The following ERBB4 variants were observed in gnomAD, a reference collection of about 807,000 sequenced individuals.
The protein encoded by ERBB4 is erb-b2 receptor tyrosine kinase 4.
Under a neutral mutation model 158.0 loss-of-function variants are expected in ERBB4, and 42 were observed. The ratio of observed to expected loss-of-function variants is 0.27; its 90% CI spans 0.21 to 0.34. The LOEUF is 0.34. ERBB4 is among the 10% of genes least tolerant of loss of function. ERBB4 has a pLI of 1.00. For missense variants in ERBB4, 1,333 were observed against 1,624.1 expected (o/e 0.82, Z 3.08); for synonymous variants, 583 against 558.7 (o/e 1.04, Z -0.61).
intron 1 of ERBB4, among the ~76,000 whole-genome samples, chr2:212,261,892 T>C (rs917874103): frequency 2.6e-5 from 4 of 152,142 alleles, no homozygotes; most frequent in African/African-American, 9.6e-5. Context: ...TAAAATGTGA[T>C]GAAACCTCTT....
intron 4 of ERBB4, among the ~76,000 whole-genome samples, chr2:211,751,210 C>T (rs10175461): frequency 0.7 from 106,998 of 152,056 alleles, 38,542 homozygotes; most frequent in African/African-American, 0.87. Context: ...TTAAGCTATA[C>T]TTTTGAAAGC....
intron 12 of ERBB4, among the ~76,000 whole-genome samples, chr2:211,679,441 T>C (rs1179539832): frequency 1.3e-5 from 2 of 152,122 alleles, no homozygotes; most frequent in African/African-American, 2.4e-5. Flanking sequence ...ATAAAAACTA[T>C]TGGGAGGACA....
chr2:211,737,995 C>A (rs915109798), intron 5 of ERBB4, among the ~76,000 whole-genome samples: 1 of 151,972 alleles, frequency 6.6e-6, no homozygotes, highest in Non-Finnish European at 1.5e-5. Flanking sequence ...GTAATATATA[C>A]TATGGAACAT....
At chr2:211,513,348 A>G (rs1355354977) in intron 20 of ERBB4, among the ~76,000 whole-genome samples, 2 of 117,740 alleles carry the variant, frequency 1.7e-5, no homozygotes, top group East Asian at 5.4e-4. Context: ...ACAGAGCGAG[A>G]CTCCGTCTCA....
At chr2:212,328,722 A>T (rs2087984710) in intron 1 of ERBB4, among the ~76,000 whole-genome samples, 1 of 152,032 alleles carries the variant, frequency 6.6e-6, no homozygotes, top group Non-Finnish European at 1.5e-5. Flanking sequence ...TTATGCAAGA[A>T]ATCTCCTTTA....
At position 212,521,335 on chromosome 2, in the gene ERBB4, A is replaced by G. The variant is rs1692149433; in HGVS notation, c.82+17114T>C. ...AATATGAAGAAAAAAAGGATTTGAG[A>G]AAACTGCCCTTCAGAGAGAGCCAAA... On this transcript the variant is annotated intron_variant, in intron 1 of 27. Transcript: ENST00000342788. Among the ~76,000 whole-genome samples, 4 of 151,846 alleles carry G rather than the reference A, an allele frequency of 2.6e-5. No individual in the cohort carries two copies. The Admixed American group carries it at 2.6e-4, about 10-fold the overall frequency.
intron 1 of ERBB4, among the ~76,000 whole-genome samples, chr2:212,448,924 G>A (rs1362950660): frequency 1.3e-5 from 2 of 152,054 alleles, no homozygotes; most frequent in Non-Finnish European, 2.9e-5. Context: ...GGTCACTGAG[G>A]TTACATTTGC....
At chr2:212,427,893 A>G (rs945005710) in intron 1 of ERBB4, among the ~76,000 whole-genome samples, 36 of 152,148 alleles carry the variant, frequency 2.4e-4, no homozygotes, top group African/African-American at 8.2e-4. Context: ...AAGCTAGAGG[A>G]AGAAGAGGGA....
chr2:211,642,128 C>T (rs1249560108), intron 16 of ERBB4, among the ~76,000 whole-genome samples: 1 of 152,034 alleles, frequency 6.6e-6, no homozygotes, highest in Non-Finnish European at 1.5e-5. Flanking sequence ...TTGCATTTAT[C>T]TCTTAAACAG....
chr2:211,984,904 AT>A (rs2081899052), intron 2 of ERBB4, among the ~76,000 whole-genome samples: 1 of 151,678 alleles, frequency 6.6e-6, no homozygotes, highest in African/African-American at 2.4e-5. Context: ...TTATTTATTT[AT>A]TTTTTTAGTG....
intron 1 of ERBB4, among the ~76,000 whole-genome samples, chr2:212,419,056 C>T (rs553079553): frequency 2.0e-5 from 3 of 151,656 alleles, no homozygotes; most frequent in East Asian, 3.9e-4. Context: ...TATTCATATT[C>T]GCACAGTATT....
intron 2 of ERBB4, among the ~76,000 whole-genome samples, chr2:212,095,914 A>G (rs1196904679): frequency 1.3e-5 from 2 of 149,648 alleles, no homozygotes; most frequent in Non-Finnish European, 3.0e-5. Context: ...CAGCCTGGGC[A>G]ACAGAGCGAG....
At chr2:211,721,465 A>AAAAAAAC (rs2074090408) in intron 7 of ERBB4, among the ~76,000 whole-genome samples, 1 of 147,986 alleles carries the variant, frequency 6.8e-6, no homozygotes, top group Non-Finnish European at 1.5e-5. Context: ...AAAAAAAAAA[A>AAAAAAAC]TAGAGTCAAG....
At chr2:211,867,308 C>T (rs777729276) in intron 3 of ERBB4, among the ~76,000 whole-genome samples, 7 of 152,082 alleles carry the variant, frequency 4.6e-5, no homozygotes, top group Admixed American at 1.3e-4. Context: ...ACCTGAAACT[C>T]ACATTCTCTC....
intron 2 of ERBB4, among the ~76,000 whole-genome samples, chr2:212,045,432 T>C (rs934455034): frequency 6.6e-6 from 1 of 152,202 alleles, no homozygotes; most frequent in African/African-American, 2.4e-5. Context: ...CACTCCAGCC[T>C]GGGCAATAGA....
intron 1 of ERBB4, among the ~76,000 whole-genome samples, chr2:212,145,954 A>G (rs973861942): frequency 6.6e-6 from 1 of 152,014 alleles, no homozygotes; most frequent in African/African-American, 2.4e-5. Context: ...CTTACACCCA[A>G]TCTATACTTC....
chr2:211,984,401 T>C (rs577345532), intron 2 of ERBB4, among the ~76,000 whole-genome samples: 1 of 152,302 alleles, frequency 6.6e-6, no homozygotes, highest in East Asian at 1.9e-4. Context: ...TAATAGCATA[T>C]TATGCTCTGA....
intron 20 of ERBB4, among the ~76,000 whole-genome samples, chr2:211,556,682 T>C (rs559043100): frequency 6.6e-6 from 1 of 152,062 alleles, no homozygotes; most frequent in South Asian, 2.1e-4. Flanking sequence ...ACAAACACTC[T>C]CTCAGATCAC....
intron 2 of ERBB4, among the ~76,000 whole-genome samples, chr2:212,057,300 A>C (rs538415517): frequency 1.2e-4 from 19 of 152,170 alleles, no homozygotes; most frequent in Non-Finnish European, 2.5e-4. Flanking sequence ...CAGACCTAGA[A>C]ACAGACTTAG....
Sources: gnomAD v4.1 joint callset for allele counts (sites outside exome capture counted in the v4.1 genomes callset) on GRCh38, gnomAD v4.1.1 for gene constraint, MANE v1.5 for transcripts, NCBI Gene and HGNC (gene_info 2026-07-23, HGNC 2026-07-21) for gene names.